Variants in MDGA2 observed in about 807,000 individuals in gnomAD.
MDGA2 encodes MAM domain containing glycosylphosphatidylinositol anchor 2.
A neutral mutation model predicts 117.8 loss-of-function variants in MDGA2; 40 were observed. That is an observed-to-expected ratio of 0.34 (90% CI 0.26 to 0.44). The LOEUF (loss-of-function observed/expected upper bound fraction) is 0.44. Among genes scored for constraint, MDGA2 ranks in the 20% least tolerant of loss-of-function variants. The pLI is 1.00. For missense variants in MDGA2, 1,123 were observed against 1,250.6 expected, an observed-to-expected ratio of 0.90 and a Z score of 1.54; for synonymous variants, 452 against 439.0, an observed-to-expected ratio of 1.03 and a Z score of -0.37.
chr14:47,021,476 C>T (rs1331557025), intron 8 of MDGA2, among the ~76,000 whole-genome samples: 1 of 152,118 alleles, frequency 6.6e-6, no homozygotes, highest in Non-Finnish European at 1.5e-5. Flanking sequence ...CTAGATGCAA[C>T]AAAGCCAAGT....
intron 1 of MDGA2, among the ~76,000 whole-genome samples, chr14:47,551,304 A>C (rs41502348): frequency 0.037 from 5,623 of 152,172 alleles, 360 homozygotes; most frequent in African/African-American, 0.13. Context: ...GTGATTTCTG[A>C]TGACCAGCTC....
chr14:47,200,902 G>T, intron 3 of MDGA2: 1 of 851,534 alleles, frequency 1.2e-6, no homozygotes, highest in South Asian at 1.3e-5. Flanking sequence ...GAGCGGCCTG[G>T]CCTCGCTTGG....
chr14:47,109,169 G>T (rs1372176010), intron 5 of MDGA2, among the ~76,000 whole-genome samples: 2 of 152,112 alleles, frequency 1.3e-5, no homozygotes, highest in African/African-American at 4.8e-5. Flanking sequence ...AAATTTTCTT[G>T]TTATTAATGG....
At chr14:47,161,927 CTTTTTTTTTTTTTTTTTTTTTTTTTTT>C (rs71112489) in intron 3 of MDGA2, among the ~76,000 whole-genome samples, 1 of 52,472 alleles carries the variant, frequency 1.9e-5, no homozygotes, top group Admixed American at 2.9e-4. Context: ...TCCCCAGATC[CTTTTTTTTTTTTTTTTTTTTTTTTTTT>C]TTTTTTTTTT....
chr14:47,045,974 G>T (rs1416799009), intron 7 of MDGA2, among the ~76,000 whole-genome samples: 2 of 150,188 alleles, frequency 1.3e-5, no homozygotes, highest in Admixed American at 1.3e-4. Context: ...CAAAAAAAAA[G>T]GGGGAACATC....
chr14:47,421,436 GACAGTGGGAC>G (rs1892576945), intron 1 of MDGA2, among the ~76,000 whole-genome samples: 1 of 152,116 alleles, frequency 6.6e-6, no homozygotes, highest in African/African-American at 2.4e-5. Flanking sequence ...GAAAAAGATG[GACAGTGGGAC>G]ACATTTCTGT....
chr14:46,876,276 CACT>C (rs1882225134), intron 12 of MDGA2, among the ~76,000 whole-genome samples: 1 of 151,408 alleles, frequency 6.6e-6, no homozygotes, highest in Non-Finnish European at 1.5e-5. Context: ...AAATAAAACT[CACT>C]AGTCAAAACC....
chr14:47,113,121 T>A lies in MDGA2; in HGVS notation c.926-15998A>T, dbSNP rs1881135330. Among the ~76,000 whole-genome samples the A allele has an allele frequency of 2.6e-5, 4 of 152,088 alleles. No homozygotes were observed. The South Asian group carries it at 8.3e-4, about 32-fold the overall frequency. On this transcript the variant is annotated intron_variant, in intron 5 of 16. Transcript: ENST00000399232. The stretch of plus-strand genomic sequence containing the variant: ...CTCTTATAAATTTGCTTAAGTTCAT[T>A]GTAGATTCTGGATATCCACTGACTC...
rs145019252 is a variant in MDGA2, at chr14:47,246,707, G to T, written c.421-28512C>A. On this transcript the variant is annotated intron_variant, in intron 2 of 16. Coordinates refer to ENST00000399232, the MANE Select transcript of MDGA2 (RefSeq NM_001113498.3). ...TCCTCCCTTTATTTTTTAAATAAAA[G>T]AAGTATTTAAAGCTGTATTAAGGTT... Among the ~76,000 whole-genome samples, 337 of 151,298 alleles carry T rather than the reference G, an allele frequency of 2.2e-3. 4 individuals are homozygous for T. The highest frequency in any genetic ancestry group is 7.7e-3 in the African/African-American group (317 of 41,320).
At chr14:47,370,072 C>A (rs11850483) in intron 1 of MDGA2, among the ~76,000 whole-genome samples, 1 of 151,600 alleles carries the variant, frequency 6.6e-6, no homozygotes, top group Non-Finnish European at 1.5e-5. Flanking sequence ...ATTCTTTTTT[C>A]GTTTTTTTCT....
chr14:47,447,123 A>G (rs969237811), intron 1 of MDGA2, among the ~76,000 whole-genome samples: 5 of 152,164 alleles, frequency 3.3e-5, no homozygotes, highest in Admixed American at 6.5e-5. Flanking sequence ...AAATAGCTTC[A>G]TGTTGCTCTC....
intron 1 of MDGA2, among the ~76,000 whole-genome samples, chr14:47,606,450 T>C (rs1036517332): frequency 6.6e-6 from 1 of 152,210 alleles, no homozygotes; most frequent in South Asian, 2.1e-4. Flanking sequence ...GCTAAATATA[T>C]ATTCTATATG....
intron 1 of MDGA2, among the ~76,000 whole-genome samples, chr14:47,493,923 T>C (rs1423839431): frequency 3.9e-5 from 6 of 152,186 alleles, no homozygotes; most frequent in African/African-American, 1.4e-4. Flanking sequence ...AAATTTCATC[T>C]TGAATTATAA....
rs558916041 is a variant in MDGA2, at chr14:47,011,124, T to C, written c.1819+23887A>G. Among the ~76,000 whole-genome samples, 5 of 151,986 alleles carry C rather than the reference T, an allele frequency of 3.3e-5. No homozygotes were observed. The South Asian group carries it at 8.3e-4, about 25-fold the overall frequency. ...AAGTGAATTTGGAGCTGGGCAAAGA[T>C]AATCAGAAGAAAAGTAGAACAATTG... is the stretch of plus-strand genomic sequence containing the variant. On this transcript the variant is annotated intron_variant, in intron 8 of 16. Coordinates refer to ENST00000399232, the MANE Select transcript of MDGA2 (RefSeq NM_001113498.3).
At chr14:47,338,110 T>C (rs915832799) in intron 1 of MDGA2, among the ~76,000 whole-genome samples, 1 of 152,052 alleles carries the variant, frequency 6.6e-6, no homozygotes, top group Non-Finnish European at 1.5e-5. Context: ...TTTCTACTAA[T>C]CTAGGTGAGA....
intron 1 of MDGA2, among the ~76,000 whole-genome samples, chr14:47,430,122 A>G (rs1373102613): frequency 6.6e-6 from 1 of 151,600 alleles, no homozygotes; most frequent in Non-Finnish European, 1.5e-5. Flanking sequence ...ACTCCTCTGC[A>G]CCCTTTGGAT....
intron 1 of MDGA2, among the ~76,000 whole-genome samples, chr14:47,368,197 G>A (rs1367583358): frequency 6.6e-6 from 1 of 152,004 alleles, no homozygotes; most frequent in African/African-American, 2.4e-5. Flanking sequence ...CAGGAGAATC[G>A]CTTGAACCCA....
chr14:46,864,593 A>G (rs1322868536), intron 14 of MDGA2, among the ~76,000 whole-genome samples: 1 of 66,798 alleles, frequency 1.5e-5, no homozygotes, highest in Non-Finnish European at 3.1e-5. Flanking sequence ...GGTTTGTTGT[A>G]ACCCTGTGTC....
chr14:47,603,844 G>A (rs1268626842), intron 1 of MDGA2, among the ~76,000 whole-genome samples: 1 of 152,158 alleles, frequency 6.6e-6, no homozygotes, highest in African/African-American at 2.4e-5. Flanking sequence ...TTGGTAACGA[G>A]TGCTTTCTAT....
Sources: gnomAD v4.1 joint callset for allele counts (sites outside exome capture counted in the v4.1 genomes callset) on GRCh38, gnomAD v4.1.1 for gene constraint, MANE v1.5 for transcripts, NCBI Gene and HGNC (gene_info 2026-07-23, HGNC 2026-07-21) for gene names.